The following MRPL38 variants were observed in gnomAD, a reference collection of about 807,000 sequenced individuals.
The protein encoded by MRPL38 is mitochondrial ribosomal protein L38.
MRPL38 carries 51 observed loss-of-function variants against 52.1 expected under a neutral mutation model. That is an observed-to-expected ratio of 0.98 (90% CI 0.78 to 1.24). MRPL38 has a LOEUF of 1.24. MRPL38 is among the 50% of genes most tolerant of loss of function. The probability of loss-of-function intolerance (pLI) is 0.00; values close to 1 mark genes in which losing one functional copy is unlikely to be tolerated. For synonymous variants in MRPL38, 245 were observed against 212.7 expected, an observed-to-expected ratio of 1.15 and a Z score of -1.32; for missense variants, 527 against 518.6, an observed-to-expected ratio of 1.02 and a Z score of -0.16.
chr17:75,901,999 C>T lies in MRPL38; in HGVS notation c.382+21G>A, dbSNP rs368219507. 3.7e-6 allele frequency: 6 copies of T among 1,612,924 alleles called. No homozygotes were observed. The highest frequency in any genetic ancestry group is 4.2e-6 in the Non-Finnish European group (5 of 1,179,180). ...CCCTGTACCCCAACTCTGGGATGGC[C>T]CCTCCCCTGAGAAGGCTTACCTGTG... is the stretch of plus-strand genomic sequence containing the variant. On this transcript the variant is annotated intron_variant, in intron 3 of 8. Transcript: ENST00000309352. This position sits in a 1 kb window ranked among gnomAD's most constrained non-coding sequence, Gnocchi z 5.7.
chr17:75,899,792 C>A, intron 6 of MRPL38, 118 bp from the exon 7 acceptor site: 1 of 888,096 alleles, frequency 1.1e-6, no homozygotes, highest in South Asian at 3.0e-5. Flanking sequence ...CTCTAAGCAT[C>A]TCTCTCCTGG....
intron 6 of MRPL38, chr17:75,900,777 G>A (rs2065400349): frequency 7.1e-7 from 1 of 1,401,612 alleles, no homozygotes; most frequent in Non-Finnish European, 9.2e-7. Flanking sequence ...GACTGACCGA[G>A]GCCTACTGCA....
At chr17:75,899,373 C>A in intron 7 of MRPL38, 79 bp from the exon 8 acceptor site, 2 of 1,551,552 alleles carry the variant, frequency 1.3e-6, no homozygotes, top group East Asian at 2.3e-5. Flanking sequence ...ACAGGTAACC[C>A]TGAGAGGCCC....
chr17:75,904,387 C>T (rs2065418867), intron 2 of MRPL38, 153 bp downstream of exon 2: 2 of 838,830 alleles, frequency 2.4e-6, no homozygotes, highest in East Asian at 2.6e-5. Context: ...GATTAAGCTG[C>T]CGATAGCGCA....
In MRPL38 at chr17:75,899,536, C is replaced by T. The variant is rs1178588815; in HGVS notation, c.849G>A (p.Glu283=). The change falls in exon 7 of 9, where the codon GAG becomes GAA. Residue 283 remains glutamate (E), a synonymous_variant. Coordinates refer to ENST00000309352, the MANE Select transcript of MRPL38 (RefSeq NM_032478.4). ...ATTACCAGGGTGAGGGGCGTGCGTC[C>T]TCAGAGAAGTCAATCGGCTGGTCCT... ...FKQDQPIDFS[E]DARPSPCYQL... is the part of the protein sequence containing the mutation. The T allele has an allele frequency of 2.5e-6, 4 of 1,595,430 alleles. No homozygotes were observed. The highest frequency in any genetic ancestry group is 3.4e-6 in the Non-Finnish European group (4 of 1,168,126).
intron 6 of MRPL38, chr17:75,900,480 C>G (rs1239359698): frequency 6.4e-6 from 1 of 155,060 alleles, no homozygotes; most frequent in Middle Eastern, 3.1e-3. Context: ...AATCCTAGCA[C>G]TTTGGGAGGC....
Position 75,901,847 on chromosome 17 carries a change from A to G in MRPL38, c.456T>C (p.Ala152=), listed in dbSNP as rs1032701603. The G allele has an allele frequency of 6.2e-7, 1 of 1,612,668 alleles. No homozygotes were observed. Among genetic ancestry groups the G allele is most frequent in the African/African-American group, 1.3e-5 (1 of 74,844 alleles). The part of the protein sequence containing the change: ...TCGPYHKQRL[A]EYYGLYRDLF... ...GGTCTCGGTAGAGGCCGTAATACTC[A>G]GCCAGACGCTGCTTGTGGTAGGGGC... The change falls in exon 4 of 9, where the codon GCT becomes GCC. Residue 152 remains alanine (A), a synonymous_variant. Coordinates refer to ENST00000309352, the MANE Select transcript of MRPL38 (RefSeq NM_032478.4). This position sits in a 1 kb window ranked among gnomAD's most constrained non-coding sequence, Gnocchi z 5.7.
At position 75,898,839 on chromosome 17, in the gene MRPL38, A is replaced by G. The variant is rs767431148; in HGVS notation, c.*11T>C. 1.2e-5 allele frequency: 20 copies of G among 1,610,438 alleles called. No individual in the cohort carries two copies. The highest frequency in any genetic ancestry group is 1.7e-5 in the Non-Finnish European group (20 of 1,179,160). ...CAATCCCATGCTCTGAAATGCGCAC[A>G]CTCTGGCTCCTTAGTAGATGCCATA... On this transcript the variant is annotated 3_prime_UTR_variant, in exon 9 of 9. Coordinates refer to ENST00000309352, the MANE Select transcript of MRPL38 (RefSeq NM_032478.4).
Position 75,904,524 on chromosome 17 carries a change from T to A in MRPL38, c.247+16A>T. 1 of 1,514,102 alleles carries A rather than the reference T, an allele frequency of 6.6e-7. No individual in the cohort carries two copies. The highest frequency in any genetic ancestry group is 8.8e-7 in the Non-Finnish European group (1 of 1,139,870). 93.8% of individuals were successfully genotyped at this position (1,514,102 alleles called of 1,614,324 possible). A position where few individuals can be genotyped will look rare whatever the true frequency, so the allele number is the denominator to read the frequency against. ...CCCGGGCGGTGGCTGCAGCCCCTGCTCCAGTCGCCCCGCACCTGTCTTCTC... is the reference window on the plus strand; with the variant it reads ...CCCGGGCGGTGGCTGCAGCCCCTGCACCAGTCGCCCCGCACCTGTCTTCTC... On this transcript the variant is annotated intron_variant, in intron 2 of 8. Transcript: ENST00000309352.
intron 2 of MRPL38, 65 bp downstream of exon 2, chr17:75,904,474 GA>G: frequency 1.4e-6 from 2 of 1,455,576 alleles, no homozygotes; most frequent in Non-Finnish European, 9.1e-7. Context: ...AGCGCCCGGG[GA>G]AAACGCCGGC....
rs371238446 is a variant in MRPL38, at chr17:75,901,300, G to C, written c.592-27C>G. The C allele has an allele frequency of 2.2e-5, 35 of 1,608,496 alleles. No individual in the cohort carries two copies. Among genetic ancestry groups the C allele is most frequent in the Middle Eastern group, 1.6e-4 (1 of 6,072 alleles). On this transcript the variant is annotated intron_variant, in intron 4 of 8. Coordinates refer to ENST00000309352, the MANE Select transcript of MRPL38 (RefSeq NM_032478.4). The surrounding 1 kb of genome is among the most constrained non-coding windows in gnomAD (Gnocchi z 5.7). Reference sequence around the variant, plus strand: ...TGGCAGGGTGAGAAGGAAGCTGTCAGCCCCACCAGGGACAGGCCAGCTGTT... The same window carrying C: ...TGGCAGGGTGAGAAGGAAGCTGTCACCCCCACCAGGGACAGGCCAGCTGTT...
rs555136792 is a variant in MRPL38, at chr17:75,898,808, G to C, written c.*42C>G. On this transcript the variant is annotated 3_prime_UTR_variant, in exon 9 of 9. Coordinates refer to ENST00000309352, the MANE Select transcript of MRPL38 (RefSeq NM_032478.4). Reference sequence around the variant, plus strand: ...CTGGAGCTGTGTCTTTACTCTTGCTGCCGATCAATCCCATGCTCTGAAATG... The same window carrying C: ...CTGGAGCTGTGTCTTTACTCTTGCTCCCGATCAATCCCATGCTCTGAAATG... The C allele has an allele frequency of 1.9e-4, 300 of 1,608,244 alleles. 1 individual carries two copies. In the South Asian group the frequency reaches 3.2e-3, roughly 17 times the overall value.
intron 6 of MRPL38, chr17:75,900,644 C>G: frequency 1.8e-6 from 1 of 550,464 alleles, no homozygotes; most frequent in Non-Finnish European, 2.5e-6. Flanking sequence ...GCACCTGAGC[C>G]CAGGAGTTAG....
intron 6 of MRPL38, 122 bp from the exon 7 acceptor site, chr17:75,899,796 C>T (rs947153427): frequency 1.2e-6 from 1 of 839,002 alleles, no homozygotes; most frequent in Non-Finnish European, 1.7e-6. Flanking sequence ...AAGCATCTCT[C>T]TCCTGGGACA....
At chr17:75,899,008 C>A (rs767642278) in intron 8 of MRPL38, 22 bp from the exon 9 acceptor site, 2 of 1,575,446 alleles carry the variant, frequency 1.3e-6, no homozygotes, top group East Asian at 2.3e-5. Flanking sequence ...GTGAGGGGTA[C>A]GGGGTGGTCT....
In MRPL38 at chr17:75,901,004, C is replaced by T. The variant is rs747872519; in HGVS notation, c.688G>A (p.Ala230Thr). The T allele has an allele frequency of 1.2e-6, 2 of 1,612,764 alleles. No individual in the cohort carries two copies. The highest frequency in any genetic ancestry group is 1.1e-5 in the South Asian group (1 of 90,772). The change falls in exon 6 of 9, where the codon GCT becomes ACT. Residue 230 changes from alanine to threonine, a missense_variant. Physicochemically the swap from Ala to Thr is moderately conservative, Grantham distance 58. Coordinates refer to ENST00000309352, the MANE Select transcript of MRPL38 (RefSeq NM_032478.4). The surrounding 1 kb of genome is among the most constrained non-coding windows in gnomAD (Gnocchi z 5.7). ...CACAGCAGCCAGTGGAGGTACTCAG[C>T]ATCTGGCTCCAGCAGGTGCCCATCT... Reference protein sequence around the residue: ...SLDGHLLEPDAEYLHWLLTNI... With the variant: ...SLDGHLLEPDTEYLHWLLTNI...
rs2065404363 is a variant in MRPL38, at chr17:75,901,526, C to T, written c.591+186G>A. ...ACAGCAGGCTGGTCACAGGAATGTG[C>T]TAAGACAGAGCCTCTTTTTCCTTCA... On this transcript the variant is annotated intron_variant, in intron 4 of 8. Coordinates refer to ENST00000309352, the MANE Select transcript of MRPL38 (RefSeq NM_032478.4). This position sits in a 1 kb window ranked among gnomAD's most constrained non-coding sequence, Gnocchi z 5.7. 4.4e-6 allele frequency: 3 copies of T among 675,394 alleles called. No individual in the cohort carries two copies. Among genetic ancestry groups the T allele is most frequent in the Non-Finnish European group, 7.7e-6 (3 of 390,696 alleles). The allele number at this position is 675,394 out of a possible 1,614,324, so 41.8% of individuals were successfully genotyped here. A position where few individuals can be genotyped will look rare whatever the true frequency, so the allele number is the denominator to read the frequency against.
chr17:75,904,231 A>G, intron 2 of MRPL38: 1 of 557,946 alleles, frequency 1.8e-6, no homozygotes, highest in Non-Finnish European at 3.5e-6. Context: ...CCTACAGAGT[A>G]TTTGAGGCGC....
In MRPL38 at chr17:75,904,863, A is replaced by G. The variant is rs1296359458; in HGVS notation, c.13T>C (p.Trp5Arg). The G allele has an allele frequency of 5.3e-6, 8 of 1,495,964 alleles. No individual in the cohort carries two copies. Among genetic ancestry groups the G allele is most frequent in the Non-Finnish European group, 1.8e-6 (2 of 1,128,882 alleles). 92.7% of individuals were successfully genotyped at this position (1,495,964 alleles called of 1,614,324 possible). The change falls in exon 1 of 9, where the codon TGG becomes CGG. Residue 5 changes from tryptophan to arginine, a missense_variant. By Grantham distance (101) the Trp-to-Arg change is moderately radical (BLOSUM62 -3). Coordinates refer to ENST00000309352, the MANE Select transcript of MRPL38 (RefSeq NM_032478.4). ...CACTCGCACAGCGCGGCTCGCCACCAGGGCGCCGCCATCTTCCCTCCGGCC... is the reference window on the plus strand; with the variant it reads ...CACTCGCACAGCGCGGCTCGCCACCGGGGCGCCGCCATCTTCCCTCCGGCC... Reference protein sequence around the residue: MAAPWWRAALCECRR... With the variant: MAAPRWRAALCECRR...
Sources: allele counts gnomAD v4.1 joint callset, GRCh38; gene constraint gnomAD v4.1.1; non-coding constraint Gnocchi (gnomAD v3.1); transcripts MANE v1.5; gene names NCBI Gene and HGNC (gene_info 2026-07-23, HGNC 2026-07-21).